COL25A1: variants seen among roughly 807,000 people sequenced by gnomAD.
The protein encoded by COL25A1 is collagen alpha-1(XXV) chain.
A neutral mutation model predicts 128.4 loss-of-function variants in COL25A1; 103 were observed. The observed-to-expected ratio is 0.80, with a 90% confidence interval of 0.68 to 0.94. The LOEUF is 0.94. Among genes scored for constraint, COL25A1 ranks in the 40% least tolerant of loss-of-function variants. COL25A1 has a pLI of 0.00. For missense variants in COL25A1, 745 were observed against 840.0 expected, an observed-to-expected ratio of 0.89 and a Z score of 1.40; for synonymous variants, 279 against 277.2, an observed-to-expected ratio of 1.01 and a Z score of -0.06.
chr4:109,176,350 A>C (rs1774094019), intron 3 of COL25A1, among the ~76,000 whole-genome samples: 2 of 152,300 alleles, frequency 1.3e-5, no homozygotes, highest in Non-Finnish European at 2.9e-5. Flanking sequence ...AGATCGCACC[A>C]CTGCACTCCA....
intron 3 of COL25A1, among the ~76,000 whole-genome samples, chr4:109,070,881 C>G (rs535498731): frequency 4.6e-5 from 7 of 152,180 alleles, no homozygotes; most frequent in African/African-American, 1.7e-4. Flanking sequence ...TTTTTTATGG[C>G]TGCATAGTAT....
At chr4:109,003,538 C>T (rs556231749) in intron 6 of COL25A1, among the ~76,000 whole-genome samples, 32 of 152,324 alleles carry the variant, frequency 2.1e-4, no homozygotes, top group Non-Finnish European at 3.5e-4. Context: ...TGGTGGCTCA[C>T]GCCTGTAATC....
At chr4:109,197,550 G>C (rs1776226101) in intron 3 of COL25A1, among the ~76,000 whole-genome samples, 1 of 138,238 alleles carries the variant, frequency 7.2e-6, no homozygotes, top group African/African-American at 2.7e-5. Context: ...ATAATAGAGA[G>C]AGAGAGTCAC....
chr4:109,282,610 A>C (rs78403332), intron 3 of COL25A1, among the ~76,000 whole-genome samples: 4,845 of 152,268 alleles, frequency 0.032, 250 homozygotes, highest in African/African-American at 0.11. Flanking sequence ...ATCATTTGCT[A>C]ATCATTTATA....
intron 30 of COL25A1, among the ~76,000 whole-genome samples, chr4:108,842,902 T>A (rs1466446551): frequency 1.3e-5 from 2 of 152,070 alleles, no homozygotes; most frequent in African/African-American, 2.4e-5. Flanking sequence ...CCTAGCACTT[T>A]GGGAGGCCAA....
intron 8 of COL25A1, chr4:108,942,170 G>C: frequency 6.5e-7 from 1 of 1,539,902 alleles, no homozygotes; most frequent in Non-Finnish European, 8.8e-7. Context: ...TATGCTGATT[G>C]CATTTCTGAC....
Position 108,817,406 on chromosome 4 carries a change from A to G in COL25A1, c.1953T>C (p.Cys651=). ...LGPDGLPMPG[C]WQK Reference sequence around the variant, plus strand: ...ATTCAGTAAAGCCTACCTTTTGCCAACAGCCAGGCATGGGTAAGCCATCTG... The same window carrying G: ...ATTCAGTAAAGCCTACCTTTTGCCAGCAGCCAGGCATGGGTAAGCCATCTG... Residue 651 remains cysteine (C), a synonymous_variant, in exon 37 of 38, where the codon TGT becomes TGC. Coordinates refer to ENST00000399132, the MANE Select transcript of COL25A1 (RefSeq NM_198721.4). The G allele has an allele frequency of 6.2e-7, 1 of 1,613,480 alleles. No individual in the cohort carries two copies. The highest frequency in any genetic ancestry group is 8.5e-7 in the Non-Finnish European group (1 of 1,179,516).
chr4:109,087,550 T>C (rs756489412), intron 3 of COL25A1, among the ~76,000 whole-genome samples: 2 of 152,222 alleles, frequency 1.3e-5, no homozygotes, highest in Non-Finnish European at 2.9e-5. Flanking sequence ...AATATATTGA[T>C]GACCCTTGCT....
At chr4:109,085,084 T>C (rs1313860911) in intron 3 of COL25A1, among the ~76,000 whole-genome samples, 1 of 152,166 alleles carries the variant, frequency 6.6e-6, no homozygotes, top group Non-Finnish European at 1.5e-5. Context: ...TGATCCTGGT[T>C]CTCATGCACT....
At chr4:109,249,964 G>A (rs973171620) in intron 3 of COL25A1, among the ~76,000 whole-genome samples, 3 of 152,076 alleles carry the variant, frequency 2.0e-5, no homozygotes, top group Admixed American at 6.5e-5. Context: ...AGCACTTAAG[G>A]GCTACACTGA....
At chr4:109,225,701 T>C (rs915259233) in intron 3 of COL25A1, among the ~76,000 whole-genome samples, 5 of 152,132 alleles carry the variant, frequency 3.3e-5, no homozygotes, top group African/African-American at 1.2e-4. Flanking sequence ...TCAACCTGTG[T>C]CCAACAATGG....
intron 3 of COL25A1, among the ~76,000 whole-genome samples, chr4:109,069,984 T>TA (rs34840593): frequency 7.9e-4 from 118 of 149,536 alleles, no homozygotes; most frequent in Non-Finnish European, 1.3e-3. Context: ...TTTTTTTTTT[T>TA]AAACCCTCTC....
intron 3 of COL25A1, among the ~76,000 whole-genome samples, chr4:109,159,245 C>T (rs922633064): frequency 6.6e-6 from 1 of 150,938 alleles, no homozygotes; most frequent in Non-Finnish European, 1.5e-5. Context: ...TGCTCCAGTA[C>T]AAGGCTTTAA....
chr4:108,822,043 A>ATTTGTTTTTTTTTTTTTTTTTTT (rs1731825675), intron 35 of COL25A1, among the ~76,000 whole-genome samples: 1 of 89,964 alleles, frequency 1.1e-5, no homozygotes, highest in Admixed American at 1.4e-4. Context: ...CCTAATGGTA[A>ATTTGTTTTTTTTTTTTTTTTTTT]TTTTTTTTTT....
At chr4:109,028,733 G>GA (rs200216723) in intron 5 of COL25A1, among the ~76,000 whole-genome samples, 1 of 151,042 alleles carries the variant, frequency 6.6e-6, no homozygotes, top group Non-Finnish European at 1.5e-5. Context: ...TCAAAAAAAA[G>GA]AAAAAAAGAA....
chr4:108,966,081 T>C (rs907450515), intron 8 of COL25A1, among the ~76,000 whole-genome samples: 5 of 152,270 alleles, frequency 3.3e-5, no homozygotes, highest in African/African-American at 1.2e-4. Flanking sequence ...TATAACAAGG[T>C]AATTGGGTGT....
intron 3 of COL25A1, among the ~76,000 whole-genome samples, chr4:109,225,819 C>T (rs1778761653): frequency 6.6e-6 from 1 of 151,636 alleles, no homozygotes; most frequent in Non-Finnish European, 1.5e-5. Flanking sequence ...TCATTGTGTG[C>T]ACATATTTAC....
chr4:109,147,098 C>G (rs1771016691), intron 3 of COL25A1, among the ~76,000 whole-genome samples: 1 of 152,168 alleles, frequency 6.6e-6, no homozygotes, highest in Non-Finnish European at 1.5e-5. Flanking sequence ...AGTTAAAGAC[C>G]GTTGGCAACA....
chr4:109,004,624 G>T (rs12500032), intron 6 of COL25A1, among the ~76,000 whole-genome samples: 20,923 of 152,072 alleles, frequency 0.14, 2,104 homozygotes, highest in East Asian at 0.4. Flanking sequence ...CTGTCCTCAA[G>T]ATAGTAAATT....
Sources: gnomAD v4.1 joint callset for allele counts (sites outside exome capture counted in the v4.1 genomes callset) on GRCh38, gnomAD v4.1.1 for gene constraint, MANE v1.5 for transcripts, NCBI Gene and HGNC (gene_info 2026-07-23, HGNC 2026-07-21) for gene names.